TSHZ3: variants seen among roughly 807,000 people sequenced by gnomAD.
TSHZ3 encodes the protein teashirt homolog 3.
A neutral mutation model predicts 64.5 loss-of-function variants in TSHZ3; 10 were observed. That is an observed-to-expected ratio of 0.16 (90% CI 0.10 to 0.26). TSHZ3 has a LOEUF of 0.26. Among genes scored for constraint, TSHZ3 ranks in the 10% least tolerant of loss-of-function variants. The probability of loss-of-function intolerance (pLI) is 1.00; values close to 1 mark genes in which losing one functional copy is unlikely to be tolerated. For missense variants in TSHZ3, 1,242 were observed against 1,421.7 expected (o/e 0.87, Z 2.03); for synonymous variants, 608 against 593.1 (o/e 1.03, Z -0.36).
intron 1 of TSHZ3, among the ~76,000 whole-genome samples, chr19:31,252,678 T>C (rs1261751210): frequency 6.6e-6 from 1 of 152,212 alleles, no homozygotes; most frequent in Non-Finnish European, 1.5e-5. Flanking sequence ...CCTTCTGCCA[T>C]GATTGTAAGT....
intron 5 of TSHZ3, among the ~76,000 whole-genome samples, chr19:31,185,733 A>G (rs1012611598): frequency 6.6e-6 from 1 of 152,208 alleles, no homozygotes; most frequent in Non-Finnish European, 1.5e-5. Context: ...GAGTTTTGGC[A>G]CATGCACAGC....
intron 1 of TSHZ3, among the ~76,000 whole-genome samples, chr19:31,291,193 G>T (rs541187988): frequency 4.7e-4 from 72 of 152,298 alleles, no homozygotes; most frequent in African/African-American, 1.4e-3. Context: ...GCCCCAGCCG[G>T]TTCAGAAGAC....
intron 1 of TSHZ3, among the ~76,000 whole-genome samples, chr19:31,324,754 C>T (rs955232764): frequency 2.0e-5 from 3 of 152,170 alleles, no homozygotes; most frequent in African/African-American, 7.2e-5. Flanking sequence ...TTATGTAGGC[C>T]AAGTCCAGAG....
At chr19:31,214,895 G>A (rs534156231) in intron 4 of TSHZ3, among the ~76,000 whole-genome samples, 3 of 136,538 alleles carry the variant, frequency 2.2e-5, no homozygotes, top group Admixed American at 7.7e-5. Flanking sequence ...GCGACAGAGC[G>A]AGACTCTGTC....
intron 5 of TSHZ3, among the ~76,000 whole-genome samples, chr19:31,177,392 C>G (rs1974627520): frequency 6.6e-6 from 1 of 152,238 alleles, no homozygotes. Context: ...TCAAGGGGCC[C>G]CACGGGAATC....
chr19:31,257,058 AGTGCTCCAGGGCGG>A (rs1007884936), intron 1 of TSHZ3, among the ~76,000 whole-genome samples: 2 of 152,016 alleles, frequency 1.3e-5, no homozygotes, highest in African/African-American at 4.8e-5. Context: ...TGGTGTGGGG[AGTGCTCCAGGGCGG>A]GTGCTCCAGA....
intron 5 of TSHZ3, among the ~76,000 whole-genome samples, chr19:31,190,813 T>C (rs1974892669): frequency 6.6e-6 from 1 of 152,102 alleles, no homozygotes; most frequent in Non-Finnish European, 1.5e-5. Context: ...AAAATAAATG[T>C]TTAATATAAT....
chr19:31,337,231 C>T (rs1917275972), intron 1 of TSHZ3, among the ~76,000 whole-genome samples: 1 of 151,920 alleles, frequency 6.6e-6, no homozygotes, highest in African/African-American at 2.4e-5. Context: ...TGGATGAGCC[C>T]CCAAGATGGA....
At chr19:31,252,722 TC>T (rs1273574040) in intron 1 of TSHZ3, among the ~76,000 whole-genome samples, 2 of 152,154 alleles carry the variant, frequency 1.3e-5, no homozygotes, top group Non-Finnish European at 2.9e-5. Context: ...CGGAACTGAG[TC>T]CATTAAACCT....
chr19:31,204,223 C>T (rs1252199425), intron 5 of TSHZ3, among the ~76,000 whole-genome samples: 2 of 151,826 alleles, frequency 1.3e-5, no homozygotes, highest in Non-Finnish European at 2.9e-5. Context: ...TCCCTTTCTT[C>T]CTTCCTTCTT....
intron 5 of TSHZ3, among the ~76,000 whole-genome samples, chr19:31,204,511 A>G (rs1365396831): frequency 1.3e-5 from 2 of 151,734 alleles, no homozygotes; most frequent in Admixed American, 6.6e-5. Context: ...TTTGTCAAAT[A>G]TATCACTCCA....
chr19:31,233,966 T>A (rs1289767262), intron 3 of TSHZ3, among the ~76,000 whole-genome samples: 1 of 151,500 alleles, frequency 6.6e-6, no homozygotes, highest in Non-Finnish European at 1.5e-5. Context: ...GCTGAGATTT[T>A]GTTTGGAATT....
intron 5 of TSHZ3, among the ~76,000 whole-genome samples, chr19:31,167,037 C>A (rs1974463079): frequency 6.6e-6 from 1 of 152,080 alleles, no homozygotes; most frequent in African/African-American, 2.4e-5. Flanking sequence ...GGAGCTGAGA[C>A]CGGAGCCCCA....
At chr19:31,268,691 A>T (rs1976091102) in intron 1 of TSHZ3, among the ~76,000 whole-genome samples, 1 of 152,174 alleles carries the variant, frequency 6.6e-6, no homozygotes, top group Non-Finnish European at 1.5e-5. Context: ...CCCGAGAAGA[A>T]TATCAGGACA....
chr19:31,264,848 A>C (rs561996792), intron 1 of TSHZ3, among the ~76,000 whole-genome samples: 7 of 152,164 alleles, frequency 4.6e-5, no homozygotes, highest in Non-Finnish European at 7.3e-5. Context: ...GGGCCAGTCA[A>C]CGAAGGTTCC....
chr19:31,177,013 G>A (rs531631418), intron 5 of TSHZ3, among the ~76,000 whole-genome samples: 19 of 152,280 alleles, frequency 1.2e-4, no homozygotes, highest in South Asian at 8.3e-4. Flanking sequence ...AATGCCACTC[G>A]TAAGAATGTA....
At chr19:31,197,395 T>A (rs957438667) in intron 5 of TSHZ3, among the ~76,000 whole-genome samples, 1 of 150,080 alleles carries the variant, frequency 6.7e-6, no homozygotes, top group Non-Finnish European at 1.5e-5. Flanking sequence ...AGGCTTCCAT[T>A]AGAGAAAATT....
At chr19:31,219,514 T>G (rs923759529) in intron 4 of TSHZ3, among the ~76,000 whole-genome samples, 1 of 152,148 alleles carries the variant, frequency 6.6e-6, no homozygotes, top group Non-Finnish European at 1.5e-5. Context: ...AGTAGAATAT[T>G]CTATGGTGAT....
chr19:31,299,924 T>C (rs1421162071), intron 1 of TSHZ3, among the ~76,000 whole-genome samples: 1 of 152,190 alleles, frequency 6.6e-6, no homozygotes, highest in Non-Finnish European at 1.5e-5. Flanking sequence ...TGCCTTTCCT[T>C]TACACGCACC....
Sources: gnomAD v4.1 joint callset for allele counts (sites outside exome capture counted in the v4.1 genomes callset) on GRCh38, gnomAD v4.1.1 for gene constraint, MANE v1.5 for transcripts, NCBI Gene and HGNC (gene_info 2026-07-23, HGNC 2026-07-21) for gene names.